The following CDYL variants were observed in gnomAD, a reference collection of about 807,000 sequenced individuals.
CDYL encodes the protein chromodomain Y like.
CDYL carries 8 observed loss-of-function variants against 47.3 expected under a neutral mutation model. The observed-to-expected ratio is 0.17, with a 90% CI of 0.10 to 0.31. The LOEUF (loss-of-function observed/expected upper bound fraction) is 0.31, where lower values mean the gene tolerates loss of function less well. Among genes scored for constraint, CDYL ranks in the 10% least tolerant of loss-of-function variants. CDYL has a pLI of 1.00. For synonymous variants in CDYL, 266 were observed against 265.0 expected (o/e 1.00, Z -0.04); for missense variants, 471 against 701.4 (o/e 0.67, Z 3.71).
chr6:4,725,517 G>A (rs970806283), intron 2 of CDYL, among the ~76,000 whole-genome samples: 3 of 152,242 alleles, frequency 2.0e-5, no homozygotes, highest in Non-Finnish European at 4.4e-5. Flanking sequence ...GCGAGAAGTC[G>A]AGCACAGCAG....
At chr6:4,717,473 G>A (rs895865440) in intron 2 of CDYL, among the ~76,000 whole-genome samples, 1 of 151,918 alleles carries the variant, frequency 6.6e-6, no homozygotes, top group Non-Finnish European at 1.5e-5. Context: ...GAGGTGAGGG[G>A]ATCTCTTGAG....
chr6:4,840,525 GT>G (rs1299752385), intron 1 of CDYL, among the ~76,000 whole-genome samples: 2 of 152,146 alleles, frequency 1.3e-5, no homozygotes, highest in Non-Finnish European at 2.9e-5. Context: ...TCAGTGTTAT[GT>G]TGGCTTTGGG....
intron 1 of CDYL, among the ~76,000 whole-genome samples, chr6:4,797,206 A>G (rs571388347): frequency 6.6e-6 from 1 of 152,280 alleles, no homozygotes; most frequent in South Asian, 2.1e-4. Context: ...TGAAGACACA[A>G]TAAGGAAATT....
At chr6:4,813,076 C>T (rs1232967282) in intron 1 of CDYL, among the ~76,000 whole-genome samples, 1 of 152,178 alleles carries the variant, frequency 6.6e-6, no homozygotes, top group Non-Finnish European at 1.5e-5. Flanking sequence ...TTGCTGGACA[C>T]TGTTTTAATG....
At chr6:4,815,338 T>G (rs1759641599) in intron 1 of CDYL, among the ~76,000 whole-genome samples, 1 of 152,208 alleles carries the variant, frequency 6.6e-6, no homozygotes. Flanking sequence ...TTAAGAATAT[T>G]TTGTATGTCA....
chr6:4,839,964 G>A (rs770532252), intron 1 of CDYL, among the ~76,000 whole-genome samples: 4 of 152,016 alleles, frequency 2.6e-5, no homozygotes, highest in Non-Finnish European at 5.9e-5. Flanking sequence ...GAATGATGGT[G>A]GTGTTTTGAT....
At chr6:4,745,125 C>T (rs779336361) in intron 3 of CDYL, among the ~76,000 whole-genome samples, 9 of 152,110 alleles carry the variant, frequency 5.9e-5, no homozygotes, top group East Asian at 1.9e-4. Context: ...CCACTATACC[C>T]GACTAATTTT....
intron 3 of CDYL, among the ~76,000 whole-genome samples, chr6:4,741,527 G>A (rs1482418120): frequency 2.0e-5 from 3 of 152,134 alleles, no homozygotes; most frequent in Admixed American, 2.0e-4. Flanking sequence ...AGTTCCAGAT[G>A]CTTGCTGAAG....
Position 4,776,773 on chromosome 6 carries a change from C to A in CDYL, c.-11C>A. 8.3e-7 allele frequency: 1 copy of A among 1,206,634 alleles called. No individual in the cohort carries two copies. The highest frequency in any genetic ancestry group is 1.1e-6 in the Non-Finnish European group (1 of 946,306). 74.7% of individuals were successfully genotyped at this position (1,206,634 alleles called of 1,614,324 possible). A position where few individuals can be genotyped will look rare whatever the true frequency, so the allele number is the denominator to read the frequency against. On this transcript the variant is annotated 5_prime_UTR_variant, in exon 1 of 7. Coordinates refer to ENST00000397588, the MANE Select transcript of CDYL (RefSeq NM_004824.4). ...ACCCTGCCCCTCCCGCCCGCAACTC[C>A]GCCGCCCACCATGGCTTCCGAGGAG...
intron 2 of CDYL, among the ~76,000 whole-genome samples, chr6:4,906,180 C>T (rs185748665): frequency 1.3e-5 from 2 of 152,244 alleles, no homozygotes; most frequent in Admixed American, 1.3e-4. Flanking sequence ...AATGGAAAAC[C>T]GGATGGAGAT....
intron 1 of CDYL, among the ~76,000 whole-genome samples, chr6:4,851,127 G>A (rs1312753748): frequency 6.6e-6 from 1 of 152,168 alleles, no homozygotes; most frequent in Non-Finnish European, 1.5e-5. Context: ...CAGAGCCAGA[G>A]GACATGGACG....
chr6:4,754,178 G>A (rs77187157), intron 3 of CDYL, among the ~76,000 whole-genome samples: 26,892 of 151,990 alleles, frequency 0.18, 3,780 homozygotes, highest in African/African-American at 0.39. Flanking sequence ...ATAAATTTCA[G>A]TTGAATTGAG....
At chr6:4,878,716 A>G (rs912927035) in intron 1 of CDYL, among the ~76,000 whole-genome samples, 1 of 152,094 alleles carries the variant, frequency 6.6e-6, no homozygotes, top group Non-Finnish European at 1.5e-5. Flanking sequence ...TAATATTCCA[A>G]AGAAGCATCT....
At chr6:4,820,621 C>G (rs1213809708) in intron 1 of CDYL, among the ~76,000 whole-genome samples, 1 of 152,180 alleles carries the variant, frequency 6.6e-6, no homozygotes, top group African/African-American at 2.4e-5. Context: ...TGTTCTCCCC[C>G]ACCAGATTGT....
chr6:4,823,568 T>C (rs1354032818), intron 1 of CDYL, among the ~76,000 whole-genome samples: 1 of 152,208 alleles, frequency 6.6e-6, no homozygotes, highest in African/African-American at 2.4e-5. Flanking sequence ...TCCAAAACTT[T>C]TAAATTCCCC....
intron 1 of CDYL, among the ~76,000 whole-genome samples, chr6:4,890,730 G>A (rs972899905): frequency 2.6e-5 from 4 of 152,202 alleles, no homozygotes; most frequent in African/African-American, 4.8e-5. Context: ...ATGTACTGAC[G>A]TTCTTAATAA....
intron 3 of CDYL, among the ~76,000 whole-genome samples, chr6:4,759,028 C>T (rs1758126863): frequency 6.9e-6 from 1 of 145,262 alleles, no homozygotes; most frequent in African/African-American, 2.6e-5. Context: ...AGTGCAGTGG[C>T]ACGATCTCGG....
chr6:4,932,649 G>A (rs1758064725), intron 2 of CDYL, among the ~76,000 whole-genome samples: 1 of 152,184 alleles, frequency 6.6e-6, no homozygotes. Context: ...CCAGCTGCTG[G>A]CATGTGTAGT....
intron 2 of CDYL, among the ~76,000 whole-genome samples, chr6:4,914,042 A>G (rs1181302890): frequency 6.6e-6 from 1 of 152,006 alleles, no homozygotes; most frequent in East Asian, 1.9e-4. Context: ...GGAGTGGACT[A>G]TTGTTGATTT....
Sources: gnomAD v4.1 joint callset for allele counts (sites outside exome capture counted in the v4.1 genomes callset) on GRCh38, gnomAD v4.1.1 for gene constraint, MANE v1.5 for transcripts, NCBI Gene and HGNC (gene_info 2026-07-23, HGNC 2026-07-21) for gene names.